KIAA0319L: variants seen among roughly 807,000 people sequenced by gnomAD.
KIAA0319L encodes the protein dyslexia-associated protein KIAA0319-like protein.
KIAA0319L carries 55 observed loss-of-function variants against 120.1 expected under a neutral mutation model. That is an observed-to-expected ratio of 0.46 (90% CI 0.37 to 0.57). KIAA0319L has a LOEUF of 0.57. KIAA0319L is among the 20% of genes least tolerant of loss of function. The probability of loss-of-function intolerance (pLI) is 0.00; values close to 1 mark genes in which losing one functional copy is unlikely to be tolerated. For missense variants in KIAA0319L, 1,049 were observed against 1,255.3 expected (o/e 0.84, Z 2.48); for synonymous variants, 398 against 471.9 (o/e 0.84, Z 2.03).
At chr1:35,544,305 G>C (rs1206009026) in intron 2 of KIAA0319L, among the ~76,000 whole-genome samples, 1 of 147,514 alleles carries the variant, frequency 6.8e-6, no homozygotes, top group African/African-American at 2.5e-5. Context: ...GAAGGTGGAA[G>C]TTACAGTGAG....
At chr1:35,452,052 A>G (rs1353171742) in intron 12 of KIAA0319L, among the ~76,000 whole-genome samples, 1 of 152,210 alleles carries the variant, frequency 6.6e-6, no homozygotes, top group African/African-American at 2.4e-5. Context: ...TTACCATTCT[A>G]GTTTGTAAAA....
intron 3 of KIAA0319L, among the ~76,000 whole-genome samples, chr1:35,492,346 T>C (rs1215451400): frequency 6.6e-6 from 1 of 152,030 alleles, no homozygotes; most frequent in African/African-American, 2.4e-5. Flanking sequence ...AAACCCCGTC[T>C]CTACTAAAAA....
intron 3 of KIAA0319L, among the ~76,000 whole-genome samples, chr1:35,489,325 A>G (rs2148347991): frequency 6.6e-6 from 1 of 152,346 alleles, no homozygotes; most frequent in East Asian, 1.9e-4. Flanking sequence ...AATATATTAA[A>G]CAATGGCGTT....
intron 16 of KIAA0319L, among the ~76,000 whole-genome samples, chr1:35,446,808 C>T (rs141584869): frequency 6.6e-6 from 1 of 152,310 alleles, no homozygotes; most frequent in East Asian, 1.9e-4. Flanking sequence ...GAGACTCACC[C>T]GTTCTCATGG....
At chr1:35,505,984 A>T (rs1645190365) in intron 3 of KIAA0319L, among the ~76,000 whole-genome samples, 1 of 152,246 alleles carries the variant, frequency 6.6e-6, no homozygotes, top group Admixed American at 6.5e-5. Context: ...CTGAGCAGAG[A>T]GTGAGTCATT....
intron 2 of KIAA0319L, among the ~76,000 whole-genome samples, chr1:35,508,338 T>C (rs1489898957): frequency 6.6e-6 from 1 of 152,226 alleles, no homozygotes; most frequent in Non-Finnish European, 1.5e-5. Context: ...ACTGAAGATA[T>C]GGATAATCAT....
chr1:35,442,638 C>T (rs972410437), intron 18 of KIAA0319L, among the ~76,000 whole-genome samples: 2 of 152,216 alleles, frequency 1.3e-5, no homozygotes, highest in Non-Finnish European at 2.9e-5. Context: ...CTCCAAAAGA[C>T]AGGAGGCTTT....
chr1:35,473,093 T>C (rs1202570557), intron 5 of KIAA0319L, among the ~76,000 whole-genome samples: 2 of 140,720 alleles, frequency 1.4e-5, no homozygotes, highest in Admixed American at 7.0e-5. Flanking sequence ...TTTTTTTTTT[T>C]TTTTTTTTTT....
chr1:35,515,797 C>T (rs560861182), intron 2 of KIAA0319L, among the ~76,000 whole-genome samples: 71 of 151,832 alleles, frequency 4.7e-4, no homozygotes, highest in African/African-American at 1.7e-3. Flanking sequence ...ATAAGATAGG[C>T]CACTAACTAA....
In KIAA0319L at chr1:35,453,614, T is replaced by C; in HGVS notation, c.1856A>G (p.Asp619Gly). ...CTGATCATCTGAGCTCTTGCTGCCA[T>C]CCAGGGTTGTGCTATCCACAGGAAG... ...LTLPVDSTTLDGSKSSDDQKI... is the reference protein window; with the variant it reads ...LTLPVDSTTLGGSKSSDDQKI... The change falls in exon 12 of 21, where the codon GAT (aspartate) becomes GGT (glycine). Residue 619 changes from aspartate (D) to glycine (G), a missense_variant. Physicochemically the swap from Asp to Gly is moderately conservative, Grantham distance 94. Transcript: ENST00000325722. The surrounding 1 kb of genome is among the most constrained non-coding windows in gnomAD (Gnocchi z 4.1). The C allele has an allele frequency of 6.2e-7, 1 of 1,614,086 alleles. No individual in the cohort carries two copies. The highest frequency in any genetic ancestry group is 2.2e-5 in the East Asian group (1 of 44,882).
intron 2 of KIAA0319L, among the ~76,000 whole-genome samples, chr1:35,524,015 AAAG>A (rs1646026513): frequency 6.6e-6 from 1 of 152,182 alleles, no homozygotes; most frequent in African/African-American, 2.4e-5. Flanking sequence ...ACAGCAAGAA[AAAG>A]AAGAGGATGG....
At chr1:35,513,729 C>T (rs1231575823) in intron 2 of KIAA0319L, among the ~76,000 whole-genome samples, 1 of 152,178 alleles carries the variant, frequency 6.6e-6, no homozygotes, top group Non-Finnish European at 1.5e-5. Flanking sequence ...TCATTCTTTT[C>T]CTGACTGACA....
At chr1:35,527,945 G>A (rs546664629) in intron 2 of KIAA0319L, among the ~76,000 whole-genome samples, 1 of 150,902 alleles carries the variant, frequency 6.6e-6, no homozygotes, top group Admixed American at 6.6e-5. Context: ...TGCCTTTCTA[G>A]TTCCTTAAGG....
At chr1:35,504,651 A>C (rs1330659296) in intron 3 of KIAA0319L, among the ~76,000 whole-genome samples, 1 of 152,142 alleles carries the variant, frequency 6.6e-6, no homozygotes, top group Non-Finnish European at 1.5e-5. Context: ...AGTTTATGCA[A>C]ATTTCCAACT....
chr1:35,520,876 C>A (rs1449609698), intron 2 of KIAA0319L, among the ~76,000 whole-genome samples: 2 of 152,068 alleles, frequency 1.3e-5, no homozygotes, highest in African/African-American at 4.8e-5. Flanking sequence ...TATAAATGCT[C>A]TGAAGAAAAG....
chr1:35,474,810 G>C lies in KIAA0319L; in HGVS notation c.1010C>G (p.Pro337Arg), dbSNP rs1643843844. Residue 337 changes from proline to arginine, a missense_variant, in exon 5 of 21, where the codon CCT (proline) becomes CGT (arginine). Pro to Arg is a moderately radical substitution (Grantham distance 103). Transcript: ENST00000325722. The part of the protein sequence containing the change: ...QLNAYVLQEP[P>R]KGETYTYDWQ... ...AAATGTAAGGGGATGTTTACCTTTA[G>C]GTGGTTCTTGGAGAACATATGCATT... 1 of 1,580,266 alleles carries C rather than the reference G, an allele frequency of 6.3e-7. No individual in the cohort carries two copies. The highest frequency in any genetic ancestry group is 1.4e-5 in the African/African-American group (1 of 74,052).
intron 2 of KIAA0319L, among the ~76,000 whole-genome samples, chr1:35,526,887 G>A (rs1213178538): frequency 6.6e-6 from 1 of 151,962 alleles, no homozygotes; most frequent in Non-Finnish European, 1.5e-5. Flanking sequence ...GACCAGCCTG[G>A]GCAATATAGC....
At chr1:35,494,764 CTG>C (rs981027724) in intron 3 of KIAA0319L, among the ~76,000 whole-genome samples, 2 of 152,162 alleles carry the variant, frequency 1.3e-5, no homozygotes, top group African/African-American at 4.8e-5. Context: ...TGGGCCAAGA[CTG>C]TACCATTGCA....
chr1:35,468,171 T>C (rs1001805037), intron 6 of KIAA0319L, among the ~76,000 whole-genome samples: 9 of 152,152 alleles, frequency 5.9e-5, no homozygotes, highest in Non-Finnish European at 1.2e-4. Flanking sequence ...TTCTTTCTTT[T>C]GAAGTATTTT....
Sources: allele counts gnomAD v4.1 joint callset (sites outside exome capture counted in the v4.1 genomes callset), GRCh38; gene constraint gnomAD v4.1.1; non-coding constraint Gnocchi (gnomAD v3.1); transcripts MANE v1.5; gene names NCBI Gene and HGNC (gene_info 2026-07-23, HGNC 2026-07-21).